The following SMOC1 variants were observed in gnomAD, a reference collection of about 807,000 sequenced individuals.
SMOC1 encodes the protein SPARC-related modular calcium-binding protein 1.
A neutral mutation model predicts 56.3 loss-of-function variants in SMOC1; 22 were observed. The observed-to-expected ratio is 0.39, with a 90% confidence interval of 0.28 to 0.56. The LOEUF is 0.56. SMOC1 is among the 20% of genes least tolerant of loss of function. The probability of loss-of-function intolerance (pLI) is 0.61; values close to 1 mark genes in which losing one functional copy is unlikely to be tolerated. For missense variants in SMOC1, 509 were observed against 565.4 expected, an observed-to-expected ratio of 0.90 and a Z score of 1.01; for synonymous variants, 193 against 215.0, an observed-to-expected ratio of 0.90 and a Z score of 0.89.
At chr14:69,987,718 C>T (rs527452535) in intron 5 of SMOC1, among the ~76,000 whole-genome samples, 16 of 152,312 alleles carry the variant, frequency 1.1e-4, no homozygotes, top group East Asian at 1.9e-4. Flanking sequence ...TATCTCTCCT[C>T]GCCAGCGAAT....
intron 10 of SMOC1, among the ~76,000 whole-genome samples, chr14:70,022,883 A>T (rs2139614313): frequency 6.6e-6 from 1 of 152,338 alleles, no homozygotes; most frequent in South Asian, 2.1e-4. Flanking sequence ...GCTCTGGTTT[A>T]TTCAGCAAAT....
At chr14:69,987,464 C>G (rs1240348922) in intron 5 of SMOC1, among the ~76,000 whole-genome samples, 1 of 152,142 alleles carries the variant, frequency 6.6e-6, no homozygotes, top group Non-Finnish European at 1.5e-5. Context: ...TTTGAAGGAC[C>G]TGGAAGAGAA....
At chr14:69,903,630 T>C (rs1229030552) in intron 1 of SMOC1, among the ~76,000 whole-genome samples, 1 of 152,212 alleles carries the variant, frequency 6.6e-6, no homozygotes, top group East Asian at 1.9e-4. Context: ...CTGAAACATG[T>C]GCTGTGTCCA....
At chr14:69,931,994 C>A (rs1187377280) in intron 1 of SMOC1, among the ~76,000 whole-genome samples, 2 of 152,210 alleles carry the variant, frequency 1.3e-5, no homozygotes, top group Admixed American at 1.3e-4. Flanking sequence ...GCACTGACCT[C>A]ACCAGGGCCA....
intron 5 of SMOC1, among the ~76,000 whole-genome samples, chr14:69,986,745 T>A (rs937559058): frequency 3.9e-5 from 6 of 152,232 alleles, no homozygotes; most frequent in Non-Finnish European, 8.8e-5. Flanking sequence ...CTTCTGTTTT[T>A]GCTCTTCTTC....
At position 69,999,533 on chromosome 14, in the gene SMOC1, G is replaced by C. The variant is rs181111628; in HGVS notation, c.664+5053G>C. ...AGCAGCCGAGGATGGGTCTGGGCTT[G>C]TGTGCATTTAAAATATCTATATAAA... On this transcript the variant is annotated intron_variant, in intron 7 of 11. Coordinates refer to ENST00000361956, the MANE Select transcript of SMOC1 (RefSeq NM_001034852.3). Among the ~76,000 whole-genome samples the C allele has an allele frequency of 3.7e-3, 571 of 152,326 alleles. 2 individuals are homozygous for C. The highest frequency in any genetic ancestry group is 0.013 in the African/African-American group (542 of 41,570).
intron 10 of SMOC1, among the ~76,000 whole-genome samples, chr14:70,018,800 C>T (rs141541571): frequency 0.012 from 1,838 of 152,348 alleles, 37 homozygotes; most frequent in African/African-American, 0.04. Context: ...TGGCTTCCTC[C>T]TTCCTGCCCA....
intron 5 of SMOC1, 33 bp downstream of exon 5, chr14:69,977,998 T>G: frequency 6.3e-7 from 1 of 1,596,028 alleles, no homozygotes; most frequent in South Asian, 1.1e-5. Flanking sequence ...TCTAAATGTT[T>G]GCTTCCAAAG....
chr14:69,987,245 A>C (rs1884398692), intron 5 of SMOC1, among the ~76,000 whole-genome samples: 1 of 152,242 alleles, frequency 6.6e-6, no homozygotes, highest in Non-Finnish European at 1.5e-5. Context: ...GCAGCCTGAA[A>C]GAATATGAGG....
chr14:69,880,489 T>G (rs1328320823), intron 1 of SMOC1, among the ~76,000 whole-genome samples: 1 of 152,136 alleles, frequency 6.6e-6, no homozygotes, highest in African/African-American at 2.4e-5. Flanking sequence ...GCCAATTCTG[T>G]GCACAGGACA....
At position 70,030,353 on chromosome 14, in the gene SMOC1, C is replaced by A. The variant is rs1027609797; in HGVS notation, c.*95C>A. 2.6e-5 allele frequency: 39 copies of A among 1,485,126 alleles called. No individual in the cohort carries two copies. In the Admixed American group the frequency reaches 6.2e-4, roughly 24 times the overall value. The allele number at this position is 1,485,126 out of a possible 1,614,324, so 92.0% of individuals were successfully genotyped here. ...AGCGTTGCCCATGGCCCTGCCACAT[C>A]CCGTGTAACATAAGTGGTGCCCACC... On this transcript the variant is annotated 3_prime_UTR_variant, in exon 12 of 12. Transcript: ENST00000361956.
intron 1 of SMOC1, among the ~76,000 whole-genome samples, chr14:69,916,066 G>A (rs990655776): frequency 6.6e-6 from 1 of 152,120 alleles, no homozygotes; most frequent in African/African-American, 2.4e-5. Context: ...ACATCTCTAT[G>A]TGGGCGTCTG....
rs1883571925 is a variant in SMOC1, at chr14:69,879,577, C to A, written c.-102C>A. ...CGCAGGACCACGGCCCGCTCCCCGC[C>A]GCCGCGAGGGCCCCGAGCGAAGGAA... is the stretch of plus-strand genomic sequence containing the variant. On this transcript the variant is annotated 5_prime_UTR_variant, in exon 1 of 12. Coordinates refer to ENST00000361956, the MANE Select transcript of SMOC1 (RefSeq NM_001034852.3). 4.3e-6 allele frequency: 4 copies of A among 937,868 alleles called. No homozygotes were observed. Among genetic ancestry groups the A allele is most frequent in the Non-Finnish European group, 5.7e-6 (4 of 696,146 alleles). The allele number at this position is 937,868 out of a possible 1,614,324, so 58.1% of individuals were successfully genotyped here.
chr14:69,896,044 A>G (rs950603977), intron 1 of SMOC1, among the ~76,000 whole-genome samples: 1 of 151,908 alleles, frequency 6.6e-6, no homozygotes, highest in South Asian at 2.1e-4. Flanking sequence ...CAGTCTTGCT[A>G]TATTGTCTAG....
chr14:69,963,666 A>G (rs1293257733), intron 3 of SMOC1, among the ~76,000 whole-genome samples: 2 of 151,354 alleles, frequency 1.3e-5, no homozygotes, highest in African/African-American at 2.4e-5. Flanking sequence ...AGCAGCAGCC[A>G]GTAGCCAGCT....
At chr14:69,938,528 A>G (rs969940963) in intron 1 of SMOC1, among the ~76,000 whole-genome samples, 96 of 152,254 alleles carry the variant, frequency 6.3e-4, no homozygotes, top group African/African-American at 2.3e-3. Context: ...TTGCAGGTTC[A>G]GTGGCTCAGG....
At chr14:70,006,646 T>C (rs1885158120) in intron 7 of SMOC1, among the ~76,000 whole-genome samples, 1 of 152,212 alleles carries the variant, frequency 6.6e-6, no homozygotes, top group Non-Finnish European at 1.5e-5. Context: ...AAATAATTAA[T>C]TCTTTCTAAT....
intron 7 of SMOC1, among the ~76,000 whole-genome samples, chr14:70,003,809 G>A (rs1885056645): frequency 6.6e-6 from 1 of 152,114 alleles, no homozygotes; most frequent in Non-Finnish European, 1.5e-5. Context: ...CTAGAATGAG[G>A]GTAGGCAAAG....
Position 69,962,797 on chromosome 14 carries a change from G to A in SMOC1, c.378+9265G>A, listed in dbSNP as rs139341309. On this transcript the variant is annotated intron_variant, in intron 3 of 11. Transcript: ENST00000361956. ...TTGTCATGTTGCCCAGGCTGGTCTT[G>A]AACTCCTGAGCTCAAGCAATCTGCC... Among the ~76,000 whole-genome samples the A allele has an allele frequency of 1.4e-3, 215 of 151,194 alleles. 1 individual carries two copies. Among genetic ancestry groups the A allele is most frequent in the East Asian group, 8.4e-3 (42 of 4,976 alleles).
Sources: gnomAD v4.1 joint callset for allele counts (sites outside exome capture counted in the v4.1 genomes callset) on GRCh38, gnomAD v4.1.1 for gene constraint, MANE v1.5 for transcripts, NCBI Gene and HGNC (gene_info 2026-07-23, HGNC 2026-07-21) for gene names.